Variants in COG5 observed in about 807,000 individuals in gnomAD.
COG5 encodes component of oligomeric golgi complex 5.
A neutral mutation model predicts 110.4 loss-of-function variants in COG5; 86 were observed. The ratio of observed to expected loss-of-function variants is 0.78; its 90% CI spans 0.65 to 0.93. COG5 has a LOEUF of 0.93. Ranked by LOEUF, COG5 falls within the 40% of genes least tolerant of loss-of-function variation. COG5 has a pLI of 0.00. For synonymous variants in COG5, 360 were observed against 334.6 expected, an observed-to-expected ratio of 1.08 and a Z score of -0.83; for missense variants, 1,077 against 987.0, an observed-to-expected ratio of 1.09 and a Z score of -1.22.
At chr7:107,505,048 T>C (rs1264570193) in intron 6 of COG5, among the ~76,000 whole-genome samples, 1 of 152,210 alleles carries the variant, frequency 6.6e-6, no homozygotes, top group East Asian at 1.9e-4. Context: ...TAGCAATATG[T>C]TGGTCATGTG....
chr7:107,309,952 C>T (rs1808076778), intron 11 of COG5, among the ~76,000 whole-genome samples: 1 of 152,100 alleles, frequency 6.6e-6, no homozygotes, highest in Non-Finnish European at 1.5e-5. Context: ...GTTTATCCTT[C>T]AGTTTTTTAA....
chr7:107,230,140 C>T (rs971550985), intron 19 of COG5, among the ~76,000 whole-genome samples: 3 of 151,984 alleles, frequency 2.0e-5, no homozygotes, highest in Non-Finnish European at 4.4e-5. Flanking sequence ...CATGAGCCAC[C>T]GTGCTCAGCC....
chr7:107,312,029 T>C (rs1333788666), intron 11 of COG5, among the ~76,000 whole-genome samples: 1 of 152,148 alleles, frequency 6.6e-6, no homozygotes, highest in African/African-American at 2.4e-5. Context: ...GGGGATTTTT[T>C]TTTTCTGTGA....
chr7:107,221,213 G>A (rs1349596517), intron 19 of COG5, among the ~76,000 whole-genome samples: 1 of 151,742 alleles, frequency 6.6e-6, no homozygotes, highest in African/African-American at 2.4e-5. Context: ...CCCATTCTTT[G>A]CTCATGCCAT....
chr7:107,419,713 A>G (rs1454838545), intron 6 of COG5, among the ~76,000 whole-genome samples: 1 of 151,970 alleles, frequency 6.6e-6, no homozygotes, highest in Non-Finnish European at 1.5e-5. Context: ...GATTACAGGC[A>G]TCTACCACCA....
chr7:107,308,152 T>C (rs1331471668), intron 11 of COG5, among the ~76,000 whole-genome samples: 1 of 152,182 alleles, frequency 6.6e-6, no homozygotes, highest in Non-Finnish European at 1.5e-5. Context: ...CCTACAGAGT[T>C]TCCCATAGCC....
chr7:107,208,918 A>T (rs1798961964), intron 21 of COG5: 33 of 985,270 alleles, frequency 3.3e-5, no homozygotes, highest in Non-Finnish European at 3.7e-5. Context: ...CCACTATGGC[A>T]GGGGTTCACG....
At chr7:107,499,102 G>GC (rs1234058988) in intron 6 of COG5, among the ~76,000 whole-genome samples, 16 of 152,142 alleles carry the variant, frequency 1.1e-4, no homozygotes, top group African/African-American at 3.9e-4. Flanking sequence ...ATAGACAAAT[G>GC]CATGGAAGCG....
intron 6 of COG5, among the ~76,000 whole-genome samples, chr7:107,444,403 T>A (rs973769194): frequency 2.6e-5 from 4 of 152,312 alleles, no homozygotes; most frequent in African/African-American, 9.6e-5. Context: ...AAGTTAGCCA[T>A]GAAAAGTTGC....
chr7:107,494,591 T>C (rs1798157994), intron 6 of COG5, among the ~76,000 whole-genome samples: 1 of 152,192 alleles, frequency 6.6e-6, no homozygotes. Flanking sequence ...CCTAGGTGTG[T>C]AGTAGGCTAC....
chr7:107,339,301 C>T (rs1247217731), intron 10 of COG5, among the ~76,000 whole-genome samples: 1 of 152,010 alleles, frequency 6.6e-6, no homozygotes, highest in East Asian at 1.9e-4. Context: ...TGATAAAGTG[C>T]TCAATTCAAC....
At chr7:107,392,521 A>G (rs150810387) in intron 7 of COG5, among the ~76,000 whole-genome samples, 1 of 152,302 alleles carries the variant, frequency 6.6e-6, no homozygotes, top group East Asian at 1.9e-4. Flanking sequence ...AACCATTAAT[A>G]CCAATTAAAG....
chr7:107,296,681 G>A (rs955094222), intron 12 of COG5, among the ~76,000 whole-genome samples: 1 of 151,172 alleles, frequency 6.6e-6, no homozygotes, highest in Non-Finnish European at 1.5e-5. Flanking sequence ...CAGTAGCTGG[G>A]ATTACAAGCA....
intron 11 of COG5, among the ~76,000 whole-genome samples, chr7:107,301,180 C>G (rs955364057): frequency 6.6e-5 from 10 of 152,108 alleles, no homozygotes; most frequent in African/African-American, 2.4e-4. Context: ...AAGAAAACAT[C>G]TGAGGGAACT....
At chr7:107,220,710 T>C (rs1417830135) in intron 19 of COG5, among the ~76,000 whole-genome samples, 2 of 152,010 alleles carry the variant, frequency 1.3e-5, no homozygotes, top group Admixed American at 6.6e-5. Flanking sequence ...AAAAGTGTAA[T>C]AAGAAGTCCC....
At position 107,272,433 on chromosome 7, in the gene COG5, ACTGTG is replaced by A. The variant is rs1320887018; in HGVS notation, c.1575+8862_1575+8866del. Reference sequence around the variant, plus strand: ...GACTCCCTAAAATGTATAAAATCAAACTGTGCTCTGACCACCTTGGGCACGTGTCA... The same window carrying A: ...GACTCCCTAAAATGTATAAAATCAAACTCTGACCACCTTGGGCACGTGTCA... On this transcript the variant is annotated intron_variant, in intron 14 of 21. Transcript: ENST00000297135. 1.1e-4 allele frequency among the ~76,000 whole-genome samples: 16 copies of A among 152,264 alleles called. No homozygotes were observed. The East Asian group carries it at 2.1e-3, about 20-fold the overall frequency.
At chr7:107,386,558 T>C (rs1238946270) in intron 7 of COG5, among the ~76,000 whole-genome samples, 2 of 151,950 alleles carry the variant, frequency 1.3e-5, no homozygotes, top group Non-Finnish European at 2.9e-5. Context: ...ATCTCCAAGT[T>C]TGGGGGGGAT....
At chr7:107,365,355 CA>C (rs1019371824) in intron 8 of COG5, among the ~76,000 whole-genome samples, 1 of 151,762 alleles carries the variant, frequency 6.6e-6, no homozygotes, top group Admixed American at 6.6e-5. Flanking sequence ...ATGTCAATTT[CA>C]AAGACACAAA....
At chr7:107,422,577 A>G (rs1356900329) in intron 6 of COG5, among the ~76,000 whole-genome samples, 2 of 151,700 alleles carry the variant, frequency 1.3e-5, no homozygotes, top group East Asian at 3.9e-4. Context: ...ATAAAACACT[A>G]TTTGCATCCA....
Sources: allele counts gnomAD v4.1 joint callset (sites outside exome capture counted in the v4.1 genomes callset), GRCh38; gene constraint gnomAD v4.1.1; transcripts MANE v1.5; gene names NCBI Gene and HGNC (gene_info 2026-07-23, HGNC 2026-07-21).